Variants in ERICH6B observed in about 807,000 individuals in gnomAD.
The protein encoded by ERICH6B is glutamate rich 6B, also known as glutamate-rich protein 6B.
Under a neutral mutation model 80.0 loss-of-function variants are expected in ERICH6B, and 69 were observed. That is an observed-to-expected ratio of 0.86 (90% CI 0.71 to 1.05). ERICH6B has a LOEUF of 1.05. Ranked by LOEUF, ERICH6B falls within the 50% of genes least tolerant of loss-of-function variation. ERICH6B has a pLI of 0.00. For missense variants in ERICH6B, 754 were observed against 796.1 expected, an observed-to-expected ratio of 0.95 and a Z score of 0.64; for synonymous variants, 283 against 291.9, an observed-to-expected ratio of 0.97 and a Z score of 0.31.
In ERICH6B at chr13:45,596,771, A is replaced by G. The variant is rs1876407413; in HGVS notation, c.235T>C (p.Tyr79His). 10 of 1,551,334 alleles carry G rather than the reference A, an allele frequency of 6.4e-6. No homozygotes were observed. The highest frequency in any genetic ancestry group is 8.7e-6 in the Non-Finnish European group (10 of 1,146,872). The change falls in exon 3 of 15, where the codon TAC becomes CAC. Residue 79 changes from tyrosine to histidine, a missense_variant. By Grantham distance (83) the Tyr-to-His change is moderately conservative (BLOSUM62 2). Coordinates refer to ENST00000298738, the MANE Select transcript of ERICH6B (RefSeq NM_182542.3). ...CCCAGATACTCTTCCTCCTTCAAGT[A>G]TTCTTCTTTCCCCAGATACTCTTCC... ...EEEEYLGKEE[Y>H]LKEEEYLGKE...
intron 13 of ERICH6B, among the ~76,000 whole-genome samples, chr13:45,549,465 C>A (rs948807617): frequency 6.6e-6 from 1 of 152,142 alleles, no homozygotes; most frequent in Admixed American, 6.5e-5. Context: ...AACTTAAGAA[C>A]TAACTTCAGT....
intron 14 of ERICH6B, 83 bp from the exon 15 acceptor site, chr13:45,541,763 C>A: frequency 7.7e-7 from 1 of 1,302,090 alleles, no homozygotes; most frequent in South Asian, 1.3e-5. Flanking sequence ...CTCCTGTGGC[C>A]AGGACCAAGC....
intron 11 of ERICH6B, among the ~76,000 whole-genome samples, chr13:45,556,405 T>G (rs1213735295): frequency 6.6e-6 from 1 of 151,024 alleles, no homozygotes; most frequent in Admixed American, 6.6e-5. Context: ...ATTACTCTAA[T>G]TTTTTTTCCC....
intron 2 of ERICH6B, among the ~76,000 whole-genome samples, chr13:45,606,808 C>A (rs1334916363): frequency 6.6e-6 from 1 of 151,740 alleles, no homozygotes; most frequent in Non-Finnish European, 1.5e-5. Context: ...TCCACCTCAG[C>A]CTCCAAAAGT....
intron 1 of ERICH6B, among the ~76,000 whole-genome samples, chr13:45,613,268 C>T (rs1483377267): frequency 1.3e-5 from 2 of 152,126 alleles, no homozygotes; most frequent in Admixed American, 6.5e-5. Flanking sequence ...GGAACTGTAC[C>T]TGAATCTCTC....
intron 7 of ERICH6B, among the ~76,000 whole-genome samples, chr13:45,578,593 C>T (rs537989169): frequency 5.3e-5 from 8 of 152,226 alleles, no homozygotes; most frequent in Non-Finnish European, 1.2e-4. Context: ...AGATGAAACT[C>T]AATCCTGTTT....
intron 5 of ERICH6B, among the ~76,000 whole-genome samples, chr13:45,581,822 A>T (rs1330715854): frequency 6.6e-6 from 1 of 152,222 alleles, no homozygotes; most frequent in East Asian, 1.9e-4. Flanking sequence ...CGTTAAGAGG[A>T]CTTTGAACAC....
Position 45,574,902 on chromosome 13 carries a change from A to G in ERICH6B, c.990T>C (p.Phe330=). 6.4e-7 allele frequency: 1 copy of G among 1,551,630 alleles called. No homozygotes were observed. Among genetic ancestry groups the G allele is most frequent in the Non-Finnish European group, 8.7e-7 (1 of 1,146,970 alleles). ...NVLEFASKEN[F]WDGITDESID... is the part of the protein sequence containing the mutation. The stretch of plus-strand genomic sequence containing the variant: ...TGGACTCATCTGTTATACCATCCCA[A>G]AAGTTCTCTTTAGAAGCAAACTCCA... Residue 330 remains phenylalanine, a synonymous_variant, in exon 8 of 15, where the codon TTT becomes TTC. Transcript: ENST00000298738.
intron 7 of ERICH6B, among the ~76,000 whole-genome samples, chr13:45,579,286 G>A (rs1358011858): frequency 6.6e-6 from 1 of 152,194 alleles, no homozygotes; most frequent in East Asian, 1.9e-4. Flanking sequence ...GGTGGGGATG[G>A]AGGTATAAGC....
intron 9 of ERICH6B, 90 bp from the exon 10 acceptor site, chr13:45,563,878 AG>A: frequency 8.9e-7 from 1 of 1,119,688 alleles, no homozygotes; most frequent in South Asian, 1.5e-5. Context: ...TGGAGCCTGC[AG>A]AGTCTCTTTC....
At chr13:45,571,745 T>C (rs1272609356) in intron 8 of ERICH6B, among the ~76,000 whole-genome samples, 1 of 152,214 alleles carries the variant, frequency 6.6e-6, no homozygotes, top group Non-Finnish European at 1.5e-5. Flanking sequence ...AATGAGGTCC[T>C]CAGGGTGGGC....
At chr13:45,564,487 T>C (rs1257153740) in intron 9 of ERICH6B, among the ~76,000 whole-genome samples, 1 of 152,232 alleles carries the variant, frequency 6.6e-6, no homozygotes, top group African/African-American at 2.4e-5. Flanking sequence ...CCTTTGCCAT[T>C]GCAGATTTTA....
At chr13:45,580,290 T>A (rs1410415671) in intron 6 of ERICH6B, among the ~76,000 whole-genome samples, 1 of 152,220 alleles carries the variant, frequency 6.6e-6, no homozygotes, top group Non-Finnish European at 1.5e-5. Flanking sequence ...ATGTAGTAAA[T>A]GTCATTGCAT....
intron 2 of ERICH6B, among the ~76,000 whole-genome samples, chr13:45,601,629 C>T (rs995275441): frequency 4.6e-5 from 7 of 152,186 alleles, no homozygotes; most frequent in African/African-American, 1.7e-4. Flanking sequence ...GGCATGCCAT[C>T]ATTCCGGGTG....
intron 2 of ERICH6B, among the ~76,000 whole-genome samples, chr13:45,599,861 C>T (rs1039750470): frequency 6.6e-6 from 1 of 152,162 alleles, no homozygotes; most frequent in African/African-American, 2.4e-5. Flanking sequence ...CAAGAGGATT[C>T]CCGTGGCCAT....
chr13:45,542,251 G>A (rs771779820), intron 14 of ERICH6B, among the ~76,000 whole-genome samples: 2 of 152,204 alleles, frequency 1.3e-5, no homozygotes, highest in Non-Finnish European at 2.9e-5. Flanking sequence ...ATTCGTATGC[G>A]TATGAAATGT....
chr13:45,547,562 A>G lies in ERICH6B; in HGVS notation c.1646+2331T>C, dbSNP rs1874041701. On this transcript the variant is annotated intron_variant, in intron 13 of 14. Coordinates refer to ENST00000298738, the MANE Select transcript of ERICH6B (RefSeq NM_182542.3). ...CTAAAAGCCACACGCAGGGGTGGAG[A>G]TTTAAAGTGAGAATGTTACATAAGA... Among the ~76,000 whole-genome samples, 9 of 152,164 alleles carry G rather than the reference A, an allele frequency of 5.9e-5. No individual in the cohort carries two copies. In the South Asian group the frequency reaches 1.9e-3, roughly 32 times the overall value.
intron 2 of ERICH6B, among the ~76,000 whole-genome samples, chr13:45,603,173 C>T (rs1358577203): frequency 6.6e-6 from 1 of 152,180 alleles, no homozygotes; most frequent in Non-Finnish European, 1.5e-5. Flanking sequence ...TTGTCCCTTC[C>T]TCCATGTTTT....
At chr13:45,605,362 A>G (rs1035906278) in intron 2 of ERICH6B, among the ~76,000 whole-genome samples, 8 of 152,190 alleles carry the variant, frequency 5.3e-5, no homozygotes, top group East Asian at 1.9e-4. Flanking sequence ...TTCTGTTTCC[A>G]GACTGGAGTA....
Sources: gnomAD v4.1 joint callset for allele counts (sites outside exome capture counted in the v4.1 genomes callset) on GRCh38, gnomAD v4.1.1 for gene constraint, MANE v1.5 for transcripts, NCBI Gene and HGNC (gene_info 2026-07-23, HGNC 2026-07-21) for gene names.